The following PLA2R1 variants were observed in gnomAD, a reference collection of about 807,000 sequenced individuals.
PLA2R1 encodes secretory phospholipase A2 receptor.
A neutral mutation model predicts 195.9 loss-of-function variants in PLA2R1; 158 were observed. That is an observed-to-expected ratio of 0.81 (90% confidence interval 0.71 to 0.92). The LOEUF (loss-of-function observed/expected upper bound fraction) is 0.92, where lower values mean the gene tolerates loss of function less well. Ranked by LOEUF, PLA2R1 falls within the 40% of genes least tolerant of loss-of-function variation. PLA2R1 has a pLI of 0.00. For missense variants in PLA2R1, 1,626 were observed against 1,764.6 expected, an observed-to-expected ratio of 0.92 and a Z score of 1.41; for synonymous variants, 586 against 598.2, an observed-to-expected ratio of 0.98 and a Z score of 0.30.
rs917511912 is a variant in PLA2R1, at chr2:159,956,631, T to C, written c.2905-4A>G. On this transcript the variant is annotated splice_polypyrimidine_tract_variant and splice_region_variant and intron_variant, in intron 20 of 29. Coordinates refer to ENST00000283243, the MANE Select transcript of PLA2R1 (RefSeq NM_007366.5). Reference sequence around the variant, plus strand: ...TGGGGATATTCAGCAGAAGGCACTATCAAAAAATGTCAAAACAAAACATTC... The same window carrying C: ...TGGGGATATTCAGCAGAAGGCACTACCAAAAAATGTCAAAACAAAACATTC... The C allele has an allele frequency of 6.7e-7, 1 of 1,486,254 alleles. No individual in the cohort carries two copies. The highest frequency in any genetic ancestry group is 2.3e-5 in the East Asian group (1 of 44,256). The allele number at this position is 1,486,254 out of a possible 1,614,324, so 92.1% of individuals were successfully genotyped here.
chr2:159,984,138 A>G, intron 12 of PLA2R1, 65 bp from the exon 13 acceptor site: 1 of 753,920 alleles, frequency 1.3e-6, no homozygotes, highest in Non-Finnish European at 2.2e-6. Context: ...AACTCTGTTC[A>G]AGAAAGTAAC....
In PLA2R1 at chr2:160,062,346, C is replaced by G; in HGVS notation, c.58G>C (p.Ala20Pro). Reference sequence around the variant, plus strand: ...GTAAGCGCCGCCGCCACACCCTCGGCGCAGCCCCGCGGCGCCCCCAGCAGC... The same window carrying G: ...GTAAGCGCCGCCGCCACACCCTCGGGGCAGCCCCGCGGCGCCCCCAGCAGC... ...LLLLGAPRGC[A>P]EGVAAALTPE... Residue 20 changes from alanine (A) to proline (P), a missense_variant, in exon 1 of 30, where the codon GCC becomes CCC. Coordinates refer to ENST00000283243, the MANE Select transcript of PLA2R1 (RefSeq NM_007366.5). 1.3e-6 allele frequency: 2 copies of G among 1,535,444 alleles called. No homozygotes were observed. The highest frequency in any genetic ancestry group is 2.4e-5 in the South Asian group (2 of 83,202).
chr2:160,042,620 T>C (rs1487444645), intron 2 of PLA2R1, among the ~76,000 whole-genome samples: 1 of 152,160 alleles, frequency 6.6e-6, no homozygotes, highest in East Asian at 1.9e-4. Context: ...GAACATTTAA[T>C]GTACTCAGTA....
In PLA2R1 at chr2:160,020,111, G is replaced by A. The variant is rs752093991; in HGVS notation, c.1447C>T (p.Gln483Ter). 3 of 1,611,978 alleles carry A rather than the reference G, an allele frequency of 1.9e-6. No homozygotes were observed. Among genetic ancestry groups the A allele is most frequent in the Admixed American group, 3.3e-5 (2 of 59,780 alleles). Reference protein sequence around the residue: ...NRSQLCVSAEQSEGHWKVKNC... With the variant: ...NRSQLCVSAE The stretch of plus-strand genomic sequence containing the variant: ...GAACAAATGAATCAACTTACAGACT[G>A]CTCTGCTGAGACACACAGCTGGCTT... Residue 483 changes from glutamine to a stop codon, truncating the protein, a stop_gained, in exon 8 of 30, where the codon CAG becomes TAG. Coordinates refer to ENST00000283243, the MANE Select transcript of PLA2R1 (RefSeq NM_007366.5). LOFTEE classifies it high-confidence loss of function.
At chr2:159,997,296 G>A (rs1691277599) in intron 11 of PLA2R1, among the ~76,000 whole-genome samples, 1 of 152,010 alleles carries the variant, frequency 6.6e-6, no homozygotes, top group African/African-American at 2.4e-5. Flanking sequence ...TGGTGGGACA[G>A]GATGGCTAGA....
intron 9 of PLA2R1, among the ~76,000 whole-genome samples, chr2:160,015,749 A>G (rs1415722079): frequency 6.6e-6 from 1 of 152,220 alleles, no homozygotes; most frequent in Non-Finnish European, 1.5e-5. Context: ...ATCCAACTAG[A>G]GTATGAAGTT....
chr2:159,995,811 A>G (rs952212309), intron 11 of PLA2R1, among the ~76,000 whole-genome samples: 2 of 150,574 alleles, frequency 1.3e-5, no homozygotes, highest in African/African-American at 5.0e-5. Flanking sequence ...AAATACAGAG[A>G]GTTCCCCTCT....
intron 5 of PLA2R1, 73 bp from the exon 6 acceptor site, chr2:160,028,434 T>A (rs1248085800): frequency 1.9e-6 from 2 of 1,059,692 alleles, no homozygotes; most frequent in Non-Finnish European, 2.9e-6. Flanking sequence ...AATGTGGTTT[T>A]CAGCATCGGG....
In PLA2R1 at chr2:159,977,836, G is replaced by A. The variant is rs1254352583; in HGVS notation, c.2269-420C>T. Among the ~76,000 whole-genome samples the A allele has an allele frequency of 5.3e-5, 8 of 151,936 alleles. No individual in the cohort carries two copies. In the South Asian group the frequency reaches 1.2e-3, roughly 24 times the overall value. ...TGGGCACCTGTAGTCCCAGCTACTCGGGAGAATGGCGTGGACCCAGGAAGC... is the reference window on the plus strand; with the variant it reads ...TGGGCACCTGTAGTCCCAGCTACTCAGGAGAATGGCGTGGACCCAGGAAGC... On this transcript the variant is annotated intron_variant, in intron 14 of 29. Coordinates refer to ENST00000283243, the MANE Select transcript of PLA2R1 (RefSeq NM_007366.5).
intron 1 of PLA2R1, among the ~76,000 whole-genome samples, chr2:160,054,262 C>T (rs1257541798): frequency 2.0e-5 from 3 of 151,910 alleles, no homozygotes; most frequent in Non-Finnish European, 2.9e-5. Context: ...ATAGCAAGAC[C>T]CCTTCTTTAC....
At chr2:160,037,835 C>T (rs1233795654) in intron 3 of PLA2R1, among the ~76,000 whole-genome samples, 1 of 152,184 alleles carries the variant, frequency 6.6e-6, no homozygotes, top group African/African-American at 2.4e-5. Context: ...TTCGGTTTCT[C>T]ACTTGTAATA....
At chr2:159,975,979 C>G in intron 17 of PLA2R1, 89 bp downstream of exon 17, 3 of 930,232 alleles carry the variant, frequency 3.2e-6, no homozygotes, top group Non-Finnish European at 5.1e-6. Context: ...TATCCGAAGT[C>G]AAATCGAAAA....
chr2:159,942,970 G>A (rs1219108553), intron 28 of PLA2R1, among the ~76,000 whole-genome samples: 2 of 142,812 alleles, frequency 1.4e-5, no homozygotes, highest in South Asian at 4.5e-4. Context: ...AACCAGACTT[G>A]TTCTTTTTTT....
rs536958167 is a variant in PLA2R1, at chr2:159,935,782, A to T, written c.*5996T>A. 55 of 152,242 alleles carry T rather than the reference A, an allele frequency of 3.6e-4. No individual in the cohort carries two copies. Among genetic ancestry groups the T allele is most frequent in the African/African-American group, 1.3e-3 (53 of 41,534 alleles). 9.4% of individuals were successfully genotyped at this position (152,242 alleles called of 1,614,324 possible). On this transcript the variant is annotated 3_prime_UTR_variant, in exon 30 of 30. Coordinates refer to ENST00000283243, the MANE Select transcript of PLA2R1 (RefSeq NM_007366.5). ...CTATCATAATCTATTTAAAAATAGAAATAACCTCTTCAGCAGTCAGAGATA... is the reference window on the plus strand; with the variant it reads ...CTATCATAATCTATTTAAAAATAGATATAACCTCTTCAGCAGTCAGAGATA...
intron 28 of PLA2R1, among the ~76,000 whole-genome samples, chr2:159,943,239 G>A (rs904182717): frequency 2.6e-5 from 4 of 151,974 alleles, no homozygotes; most frequent in African/African-American, 9.7e-5. Context: ...CAAAGTGCTG[G>A]GATTTACAGG....
chr2:159,992,654 GA>G (rs1558874504), intron 11 of PLA2R1, among the ~76,000 whole-genome samples: 3 of 151,146 alleles, frequency 2.0e-5, no homozygotes. Context: ...CACAGAATTG[GA>G]AAAAACTACT....
intron 1 of PLA2R1, among the ~76,000 whole-genome samples, chr2:160,047,640 T>C (rs977174188): frequency 1.3e-5 from 2 of 152,218 alleles, no homozygotes; most frequent in African/African-American, 2.4e-5. Flanking sequence ...TGTGCAATGA[T>C]GAATTAAGAG....
At chr2:160,046,495 C>T (rs1311243769) in intron 1 of PLA2R1, among the ~76,000 whole-genome samples, 2 of 152,180 alleles carry the variant, frequency 1.3e-5, no homozygotes, top group East Asian at 1.9e-4. Context: ...GGGAACAATG[C>T]TTCATTCTGG....
intron 11 of PLA2R1, 69 bp downstream of exon 11, chr2:160,005,583 G>A (rs2667004): frequency 0.56 from 757,476 of 1,349,114 alleles, 217,298 homozygotes; most frequent in East Asian, 0.61. Flanking sequence ...AAGGAGGTGG[G>A]CCAAGGGGTG....
Sources: allele counts gnomAD v4.1 joint callset (sites outside exome capture counted in the v4.1 genomes callset), GRCh38; gene constraint gnomAD v4.1.1; transcripts MANE v1.5; gene names NCBI Gene and HGNC (gene_info 2026-07-23, HGNC 2026-07-21).